Variants in NRG3 observed in about 807,000 individuals in gnomAD.
NRG3 encodes the protein neuregulin 3, also known as pro-neuregulin-3, membrane-bound isoform.
NRG3 carries 31 observed loss-of-function variants against 66.9 expected under a neutral mutation model. The ratio of observed to expected loss-of-function variants is 0.46; its 90% CI spans 0.35 to 0.63. The LOEUF (loss-of-function observed/expected upper bound fraction) is 0.63, where lower values mean the gene tolerates loss of function less well. Among genes scored for constraint, NRG3 ranks in the 20% least tolerant of loss-of-function variants. NRG3 has a pLI of 0.00. For synonymous variants in NRG3, 393 were observed against 359.4 expected, an observed-to-expected ratio of 1.09 and a Z score of -1.06; for missense variants, 910 against 878.9, an observed-to-expected ratio of 1.04 and a Z score of -0.45.
At chr10:82,084,356 CTTGTA>C (rs1272230355) in intron 1 of NRG3, among the ~76,000 whole-genome samples, 1 of 151,548 alleles carries the variant, frequency 6.6e-6, no homozygotes, top group Non-Finnish European at 1.5e-5. Context: ...TTTATACTAT[CTTGTA>C]TTGTACTCTT....
At chr10:82,064,032 G>A (rs1285080711) in intron 1 of NRG3, among the ~76,000 whole-genome samples, 2 of 152,126 alleles carry the variant, frequency 1.3e-5, no homozygotes, top group African/African-American at 4.8e-5. Context: ...TTCTCATGGT[G>A]ACAGTGATGT....
At chr10:82,124,671 A>G (rs1364583917) in intron 1 of NRG3, among the ~76,000 whole-genome samples, 1 of 151,648 alleles carries the variant, frequency 6.6e-6, no homozygotes, top group African/African-American at 2.4e-5. Flanking sequence ...ACCATGGCAC[A>G]GGTATACCTA....
intron 1 of NRG3, among the ~76,000 whole-genome samples, chr10:82,058,685 G>GT (rs2063973690): frequency 6.6e-6 from 1 of 151,562 alleles, no homozygotes; most frequent in African/African-American, 2.4e-5. Context: ...CATCTCACAA[G>GT]TTTTTGGTGT....
At chr10:82,736,569 T>C (rs1349376681) in intron 2 of NRG3, among the ~76,000 whole-genome samples, 1 of 152,204 alleles carries the variant, frequency 6.6e-6, no homozygotes, top group African/African-American at 2.4e-5. Flanking sequence ...CACAGAGTTA[T>C]GGAGGCAGGA....
chr10:82,464,984 G>T (rs1023812749), intron 2 of NRG3, among the ~76,000 whole-genome samples: 5 of 152,202 alleles, frequency 3.3e-5, no homozygotes, highest in African/African-American at 1.2e-4. Flanking sequence ...GCCGAGGGCT[G>T]CCTGCATTGA....
intron 2 of NRG3, among the ~76,000 whole-genome samples, chr10:82,735,522 G>A (rs1326312614): frequency 6.6e-6 from 1 of 152,138 alleles, no homozygotes; most frequent in Non-Finnish European, 1.5e-5. Context: ...GCCTATCAAT[G>A]ATAGACTGGA....
intron 2 of NRG3, among the ~76,000 whole-genome samples, chr10:82,617,323 GAC>G (rs148717796): frequency 3.5e-3 from 494 of 140,118 alleles, no homozygotes; most frequent in East Asian, 0.016. Flanking sequence ...CGCACACATA[GAC>G]ACACACACAC....
intron 3 of NRG3, among the ~76,000 whole-genome samples, chr10:82,754,465 A>G (rs1176742574): frequency 6.6e-6 from 1 of 151,802 alleles, no homozygotes; most frequent in Non-Finnish European, 1.5e-5. Context: ...ATGATGAAAC[A>G]TGAGTTAATG....
At chr10:82,383,689 C>G (rs927004206) in intron 2 of NRG3, among the ~76,000 whole-genome samples, 2 of 151,856 alleles carry the variant, frequency 1.3e-5, no homozygotes, top group Admixed American at 6.6e-5. Flanking sequence ...AAATTTTTAT[C>G]TCAAAGTTTA....
chr10:82,168,817 C>G (rs2072319625), intron 1 of NRG3, among the ~76,000 whole-genome samples: 1 of 152,112 alleles, frequency 6.6e-6, no homozygotes, highest in Admixed American at 6.6e-5. Flanking sequence ...GGTATCATTT[C>G]TGCCATTTTC....
In NRG3 at chr10:82,491,383, G is replaced by T. The variant is rs192385745; in HGVS notation, c.953+132515G>T. ...TTATTTAGCATGGATATTGCTTATT[G>T]TTGGTTTTCTCCCCTAGAATGTAAA... On this transcript the variant is annotated intron_variant, in intron 2 of 8. Coordinates refer to ENST00000372141, the MANE Select transcript of NRG3 (RefSeq NM_001010848.4). 1.5e-4 allele frequency among the ~76,000 whole-genome samples: 20 copies of T among 131,102 alleles called. No homozygotes were observed. The East Asian group carries it at 4.4e-3, about 29-fold the overall frequency. The allele number at this position is 131,102 out of a possible 152,430, so 86.0% of individuals were successfully genotyped here.
At chr10:82,946,824 G>A (rs1387828242) in intron 4 of NRG3, among the ~76,000 whole-genome samples, 2 of 152,038 alleles carry the variant, frequency 1.3e-5, no homozygotes, top group Non-Finnish European at 2.9e-5. Context: ...ATGGAGAATG[G>A]TTTATGGGAG....
chr10:82,505,389 C>T (rs150414066), intron 2 of NRG3, among the ~76,000 whole-genome samples: 1 of 152,306 alleles, frequency 6.6e-6, no homozygotes, highest in African/African-American at 2.4e-5. Context: ...AGCTATTTAC[C>T]AACTGATTGA....
chr10:82,202,004 A>G (rs181280110), intron 1 of NRG3, among the ~76,000 whole-genome samples: 1 of 152,314 alleles, frequency 6.6e-6, no homozygotes, highest in African/African-American at 2.4e-5. Flanking sequence ...AATCAAAGGA[A>G]AGGAAGAGGA....
At chr10:82,169,241 G>A (rs1250075926) in intron 1 of NRG3, among the ~76,000 whole-genome samples, 2 of 151,904 alleles carry the variant, frequency 1.3e-5, no homozygotes, top group African/African-American at 4.8e-5. Flanking sequence ...ATGTACTTAG[G>A]TTTGTATAGT....
chr10:82,345,604 G>C (rs1210980409), intron 1 of NRG3, among the ~76,000 whole-genome samples: 61 of 151,450 alleles, frequency 4.0e-4, no homozygotes, highest in African/African-American at 1.5e-3. Flanking sequence ...TGTGAAGAAA[G>C]TCATTGGTAG....
At chr10:82,366,583 A>G (rs147887660) in intron 2 of NRG3, among the ~76,000 whole-genome samples, 1 of 152,122 alleles carries the variant, frequency 6.6e-6, no homozygotes, top group East Asian at 1.9e-4. Flanking sequence ...TTCCTACTTA[A>G]TCAGCGTAAC....
intron 1 of NRG3, among the ~76,000 whole-genome samples, chr10:82,224,777 G>C (rs1158959609): frequency 6.6e-6 from 1 of 152,030 alleles, no homozygotes; most frequent in Non-Finnish European, 1.5e-5. Context: ...AAAAGTATCT[G>C]ATAAAAATTC....
chr10:82,299,323 T>C (rs1312368330), intron 1 of NRG3, among the ~76,000 whole-genome samples: 1 of 152,172 alleles, frequency 6.6e-6, no homozygotes, highest in African/African-American at 2.4e-5. Flanking sequence ...ATGAGGTAAT[T>C]ACTCCTAAAA....
Sources: gnomAD v4.1 joint callset for allele counts (sites outside exome capture counted in the v4.1 genomes callset) on GRCh38, gnomAD v4.1.1 for gene constraint, MANE v1.5 for transcripts, NCBI Gene and HGNC (gene_info 2026-07-23, HGNC 2026-07-21) for gene names.